CCDC148: variants seen among roughly 807,000 people sequenced by gnomAD.
The protein encoded by CCDC148 is coiled-coil domain-containing protein 148.
A neutral mutation model predicts 85.7 loss-of-function variants in CCDC148; 89 were observed. That is an observed-to-expected ratio of 1.04 (90% CI 0.87 to 1.24). CCDC148 has a LOEUF of 1.24. Ranked by LOEUF, CCDC148 falls within the 50% of genes most tolerant of loss-of-function variation. The probability of loss-of-function intolerance (pLI) is 0.00; values close to 1 mark genes in which losing one functional copy is unlikely to be tolerated. For synonymous variants in CCDC148, 230 were observed against 213.9 expected (o/e 1.08, Z -0.66); for missense variants, 692 against 671.7 (o/e 1.03, Z -0.33).
intron 7 of CCDC148, among the ~76,000 whole-genome samples, chr2:158,329,453 A>G (rs1692975433): frequency 6.6e-6 from 1 of 152,068 alleles, no homozygotes; most frequent in African/African-American, 2.4e-5. Flanking sequence ...TGATGCCTCC[A>G]GCTTTGTTCT....
At chr2:158,419,699 G>C (rs1249359705) in intron 1 of CCDC148, among the ~76,000 whole-genome samples, 1 of 152,090 alleles carries the variant, frequency 6.6e-6, no homozygotes, top group African/African-American at 2.4e-5. Context: ...GACTACTTAA[G>C]TCTATGGTAA....
At chr2:158,300,071 G>T (rs1574577418) in intron 9 of CCDC148, among the ~76,000 whole-genome samples, 1 of 152,200 alleles carries the variant, frequency 6.6e-6, no homozygotes, top group Non-Finnish European at 1.5e-5. Context: ...GGGTAGTCAG[G>T]TTTTATTTTT....
intron 1 of CCDC148, among the ~76,000 whole-genome samples, chr2:158,363,400 G>C (rs1408963019): frequency 6.6e-6 from 1 of 151,762 alleles, no homozygotes; most frequent in African/African-American, 2.4e-5. Flanking sequence ...ATGAAAATCA[G>C]TGTGAAAATC....
At chr2:158,402,432 CAA>C (rs5835702) in intron 1 of CCDC148, among the ~76,000 whole-genome samples, 4,411 of 142,998 alleles carry the variant, frequency 0.031, 86 homozygotes, top group Middle Eastern at 0.097. Flanking sequence ...AGAAAGTAGT[CAA>C]AAAAAAAAAA....
chr2:158,206,284 C>G (rs184245257), intron 11 of CCDC148, among the ~76,000 whole-genome samples: 2 of 152,110 alleles, frequency 1.3e-5, no homozygotes, highest in Non-Finnish European at 2.9e-5. Context: ...ACTCATTAAA[C>G]GAATGTAGAA....
intron 10 of CCDC148, among the ~76,000 whole-genome samples, chr2:158,230,315 A>G (rs1040152438): frequency 1.3e-5 from 2 of 152,214 alleles, no homozygotes; most frequent in African/African-American, 2.4e-5. Context: ...GTTTAGAAAA[A>G]TTTGAGTAGA....
intron 10 of CCDC148, among the ~76,000 whole-genome samples, chr2:158,250,043 G>A (rs893098726): frequency 6.6e-6 from 1 of 151,966 alleles, no homozygotes; most frequent in Non-Finnish European, 1.5e-5. Context: ...TTTAAAAAAT[G>A]GTTCATATAT....
At chr2:158,389,032 G>C (rs796339803) in intron 1 of CCDC148, among the ~76,000 whole-genome samples, 1 of 152,108 alleles carries the variant, frequency 6.6e-6, no homozygotes, top group African/African-American at 2.4e-5. Flanking sequence ...CTGTCACAAA[G>C]GTAACTCTTG....
At chr2:158,198,308 T>C (rs1298022712) in intron 11 of CCDC148, among the ~76,000 whole-genome samples, 3 of 152,156 alleles carry the variant, frequency 2.0e-5, no homozygotes, top group African/African-American at 7.2e-5. Flanking sequence ...ACAGGGACAG[T>C]GTCATTTTTG....
chr2:158,279,420 G>A (rs1436706478), intron 9 of CCDC148, among the ~76,000 whole-genome samples: 1 of 152,210 alleles, frequency 6.6e-6, no homozygotes, highest in Admixed American at 6.5e-5. Flanking sequence ...CTAATACAGA[G>A]AAGTGCTTAA....
chr2:158,434,818 T>C (rs1687559029), intron 1 of CCDC148, among the ~76,000 whole-genome samples: 1 of 152,230 alleles, frequency 6.6e-6, no homozygotes, highest in African/African-American at 2.4e-5. Flanking sequence ...GCATGAGAAC[T>C]ACTTGACACA....
intron 7 of CCDC148, among the ~76,000 whole-genome samples, chr2:158,327,244 C>T (rs1228112916): frequency 1.3e-5 from 2 of 152,284 alleles, no homozygotes; most frequent in East Asian, 1.9e-4. Flanking sequence ...AGAAAAGATT[C>T]ACCAGTTTAG....
intron 10 of CCDC148, among the ~76,000 whole-genome samples, chr2:158,223,262 G>A (rs1048640694): frequency 6.6e-6 from 1 of 152,186 alleles, no homozygotes; most frequent in Non-Finnish European, 1.5e-5. Flanking sequence ...CAGCAGCGAG[G>A]CTGGGGGAGG....
chr2:158,323,222 C>A (rs1032038895), intron 7 of CCDC148, among the ~76,000 whole-genome samples: 1 of 152,106 alleles, frequency 6.6e-6, no homozygotes, highest in African/African-American at 2.4e-5. Flanking sequence ...GATGTTAGCC[C>A]CTAGCCACAT....
intron 11 of CCDC148, among the ~76,000 whole-genome samples, chr2:158,214,240 C>T (rs76296687): frequency 0.072 from 10,886 of 151,376 alleles, 577 homozygotes; most frequent in African/African-American, 0.15. Context: ...TTTTGATTAG[C>T]ATTTTAACTT....
At chr2:158,300,401 A>T (rs541725639) in intron 9 of CCDC148, among the ~76,000 whole-genome samples, 45 of 152,292 alleles carry the variant, frequency 3.0e-4, no homozygotes, top group Admixed American at 9.2e-4. Context: ...TTTTGGGGAA[A>T]TAGAGTTTTT....
chr2:158,281,021 T>A (rs138871546), intron 9 of CCDC148, among the ~76,000 whole-genome samples: 84 of 152,268 alleles, frequency 5.5e-4, no homozygotes, highest in Middle Eastern at 3.4e-3. Flanking sequence ...CTGCTCCTGA[T>A]TGATTACTGG....
intron 9 of CCDC148, among the ~76,000 whole-genome samples, chr2:158,264,837 T>A (rs1387103332): frequency 1.3e-5 from 2 of 152,130 alleles, no homozygotes. Flanking sequence ...TTCTTTTCCA[T>A]AAAGTCTTAG....
At chr2:158,441,030 G>C (rs1009366332) in intron 1 of CCDC148, among the ~76,000 whole-genome samples, 1 of 152,076 alleles carries the variant, frequency 6.6e-6, no homozygotes, top group African/African-American at 2.4e-5. Flanking sequence ...ACTCCAGCCT[G>C]GGTGACACAG....
Sources: allele counts gnomAD v4.1 joint callset (sites outside exome capture counted in the v4.1 genomes callset), GRCh38; gene constraint gnomAD v4.1.1; transcripts MANE v1.5; gene names NCBI Gene and HGNC (gene_info 2026-07-23, HGNC 2026-07-21).